AFAP1: variants seen among roughly 807,000 people sequenced by gnomAD.
The protein encoded by AFAP1 is actin filament associated protein 1.
AFAP1 carries 75 observed loss-of-function variants against 93.9 expected under a neutral mutation model. The ratio of observed to expected loss-of-function variants is 0.80; its 90% CI spans 0.66 to 0.97. The LOEUF is 0.97. Among genes scored for constraint, AFAP1 ranks in the 50% least tolerant of loss-of-function variants. The pLI is 0.00. For missense variants in AFAP1, 1,201 were observed against 1,050.8 expected (o/e 1.14, Z -1.98); for synonymous variants, 517 against 430.7 (o/e 1.20, Z -2.48).
Position 7,868,565 on chromosome 4 carries a change from C to T in AFAP1, c.225+57G>A, listed in dbSNP as rs751640545. On this transcript the variant is annotated intron_variant, in intron 3 of 17. Coordinates refer to ENST00000420658, the MANE Select transcript of AFAP1 (RefSeq NM_001134647.2). ...GCTTCCATCACAGGCCCCTGGAGCC[C>T]GTAAGTACCCCCAGGCCTCCAGCGA... 241 of 1,520,980 alleles carry T rather than the reference C, an allele frequency of 1.6e-4. 1 individual carries two copies. Among genetic ancestry groups the T allele is most frequent in the Non-Finnish European group, 1.7e-4 (185 of 1,117,432 alleles). The allele number at this position is 1,520,980 out of a possible 1,614,324, so 94.2% of individuals were successfully genotyped here. A position where few individuals can be genotyped will look rare whatever the true frequency, so the allele number is the denominator to read the frequency against.
chr4:7,881,096 C>T (rs34868842), intron 1 of AFAP1, among the ~76,000 whole-genome samples: 17,751 of 152,068 alleles, frequency 0.12, 1,187 homozygotes, highest in Non-Finnish European at 0.16. Context: ...ATTTCTAACC[C>T]GCTATAGAAA....
intron 3 of AFAP1, among the ~76,000 whole-genome samples, chr4:7,859,618 C>T (rs1715445475): frequency 6.6e-6 from 1 of 152,126 alleles, no homozygotes; most frequent in Non-Finnish European, 1.5e-5. Flanking sequence ...CAAATTAATA[C>T]TTAAGTAAAA....
chr4:7,936,051 T>C (rs1721361737), intron 1 of AFAP1, among the ~76,000 whole-genome samples: 1 of 152,168 alleles, frequency 6.6e-6, no homozygotes, highest in African/African-American at 2.4e-5. Context: ...ACATGGAGCA[T>C]ATAACAAAGA....
At chr4:7,786,517 G>C (rs1717279838) in intron 11 of AFAP1, among the ~76,000 whole-genome samples, 1 of 152,214 alleles carries the variant, frequency 6.6e-6, no homozygotes, top group Non-Finnish European at 1.5e-5. Flanking sequence ...ATAATCTGCA[G>C]AACTGCGGCA....
In AFAP1 at chr4:7,781,604, A is replaced by C; in HGVS notation, c.1554T>G (p.Pro518=). The C allele has an allele frequency of 6.4e-7, 1 of 1,551,848 alleles. No individual in the cohort carries two copies. Among genetic ancestry groups the C allele is most frequent in the South Asian group, 1.2e-5 (1 of 84,066 alleles). Residue 518 remains proline (P), a synonymous_variant, in exon 13 of 18, where the codon CCT becomes CCG. Coordinates refer to ENST00000420658, the MANE Select transcript of AFAP1 (RefSeq NM_001134647.2). ...CTCCCAAGCCTCTGCTGCAGGAAGCAGGAAAGCCGTCTTCCGGTTCCCACT... is the reference window on the plus strand; with the variant it reads ...CTCCCAAGCCTCTGCTGCAGGAAGCCGGAAAGCCGTCTTCCGGTTCCCACT... The part of the protein sequence containing the change: ...NGSWEPEDGF[P]ASCSRGLGEE...
chr4:7,891,299 G>A, intron 1 of AFAP1, among the ~76,000 whole-genome samples: 1 of 152,214 alleles, frequency 6.6e-6, no homozygotes, highest in East Asian at 1.9e-4. Context: ...CAGGGGCTGT[G>A]AGTGAATTCA....
rs567204329 is a variant in AFAP1 at position 7,924,831 on chromosome 4, C to G, written c.-3+14825G>C. ...CTCGACAACCCAGAAAGCTAAATGACAACTCTGTCCCACGTGGCCAGGACT... is the reference window on the plus strand; with the variant it reads ...CTCGACAACCCAGAAAGCTAAATGAGAACTCTGTCCCACGTGGCCAGGACT... On this transcript the variant is annotated intron_variant, in intron 1 of 17. Transcript: ENST00000420658. Among the ~76,000 whole-genome samples, 8 of 152,268 alleles carry G rather than the reference C, an allele frequency of 5.3e-5. No individual in the cohort carries two copies. In the East Asian group the frequency reaches 9.7e-4, roughly 18 times the overall value.
chr4:7,913,213 GC>G (rs1268252669), intron 1 of AFAP1, among the ~76,000 whole-genome samples: 5 of 152,102 alleles, frequency 3.3e-5, no homozygotes, highest in Admixed American at 3.3e-4. Flanking sequence ...ACACAGGGAG[GC>G]CCTGTCTCTG....
chr4:7,905,635 G>A (rs1369741022), intron 1 of AFAP1, among the ~76,000 whole-genome samples: 1 of 152,100 alleles, frequency 6.6e-6, no homozygotes, highest in African/African-American at 2.4e-5. Context: ...TGGCTCTGTT[G>A]GCCTTTCTCT....
At position 7,769,063 on chromosome 4, in the gene AFAP1, C is replaced by CT. The variant is rs1715035402; in HGVS notation, c.2254-56dup. The CT allele has an allele frequency of 6.0e-6, 9 of 1,501,508 alleles. No homozygotes were observed. The Admixed American group carries it at 1.8e-4, about 30-fold the overall frequency. 93.0% of individuals were successfully genotyped at this position (1,501,508 alleles called of 1,614,324 possible). ...GAGCGGTTTCTGGGCCACTGGTATT[C>CT]TCCAGCAGGAAAATGATTTATTTCA... On this transcript the variant is annotated intron_variant, in intron 16 of 17. Coordinates refer to ENST00000420658, the MANE Select transcript of AFAP1 (RefSeq NM_001134647.2).
intron 16 of AFAP1, among the ~76,000 whole-genome samples, chr4:7,769,650 G>GA (rs200210308): frequency 1.3e-5 from 2 of 151,858 alleles, no homozygotes; most frequent in Admixed American, 1.3e-4. Flanking sequence ...TCTCTGGGGG[G>GA]AAAAAAACGC....
intron 2 of AFAP1, among the ~76,000 whole-genome samples, chr4:7,869,159 A>G (rs1440625022): frequency 6.6e-6 from 1 of 151,914 alleles, no homozygotes; most frequent in African/African-American, 2.4e-5. Flanking sequence ...GGGAAAGGGA[A>G]AGGGAAAAGA....
At chr4:7,887,139 G>C (rs1345409527) in intron 1 of AFAP1, among the ~76,000 whole-genome samples, 1 of 152,226 alleles carries the variant, frequency 6.6e-6, no homozygotes. Flanking sequence ...AACTGGTGGA[G>C]TGGGAGACTG....
chr4:7,923,716 C>T (rs1193275760), intron 1 of AFAP1, among the ~76,000 whole-genome samples: 2 of 152,154 alleles, frequency 1.3e-5, no homozygotes, highest in Non-Finnish European at 2.9e-5. Flanking sequence ...CTGCCCATCT[C>T]GGCCTCCCAA....
At chr4:7,857,320 G>C (rs558531802) in intron 3 of AFAP1, among the ~76,000 whole-genome samples, 1 of 152,244 alleles carries the variant, frequency 6.6e-6, no homozygotes, top group East Asian at 1.9e-4. Context: ...GAAGTCCTTT[G>C]TGAATGACTA....
chr4:7,866,025 T>TA (rs1247221636), intron 3 of AFAP1, among the ~76,000 whole-genome samples: 1 of 152,114 alleles, frequency 6.6e-6, no homozygotes, highest in Non-Finnish European at 1.5e-5. Flanking sequence ...GCCTCCCAAG[T>TA]AGCTGGGACT....
chr4:7,832,670 T>A (rs200698418), intron 6 of AFAP1, among the ~76,000 whole-genome samples: 1 of 142,502 alleles, frequency 7.0e-6, no homozygotes, highest in Non-Finnish European at 1.5e-5. Context: ...ATTCATATGT[T>A]AAAAAAAAAA....
chr4:7,915,822 T>C (rs1285140714), intron 1 of AFAP1, among the ~76,000 whole-genome samples: 1 of 76,352 alleles, frequency 1.3e-5, no homozygotes, highest in African/African-American at 3.0e-5. Flanking sequence ...TAAGTACAAC[T>C]TTCTTTCTCA....
At chr4:7,793,863 T>C in intron 10 of AFAP1, 37 bp from the exon 11 acceptor site, 2 of 1,466,896 alleles carry the variant, frequency 1.4e-6, no homozygotes, top group Non-Finnish European at 1.8e-6. Context: ...TGTATTTAAC[T>C]AAAGATTTTT....
Sources: allele counts gnomAD v4.1 joint callset (sites outside exome capture counted in the v4.1 genomes callset), GRCh38; gene constraint gnomAD v4.1.1; transcripts MANE v1.5; gene names NCBI Gene and HGNC (gene_info 2026-07-23, HGNC 2026-07-21).